The following NEB variants were observed in gnomAD, a reference collection of about 807,000 sequenced individuals.
NEB encodes nemaline myopathy type 2.
In NEB, 512 loss-of-function variants were observed where a neutral mutation model predicts 952.2. That is an observed-to-expected ratio of 0.54 (90% CI 0.50 to 0.58). The LOEUF is 0.58. NEB is among the 20% of genes least tolerant of loss of function. The pLI is 0.00. For missense variants in NEB, 8,428 were observed against 9,231.1 expected, an observed-to-expected ratio of 0.91 and a Z score of 3.56; for synonymous variants, 2,900 against 3,149.8, an observed-to-expected ratio of 0.92 and a Z score of 2.66.
chr2:151,519,871 G>C lies in NEB; in HGVS notation c.22480-103C>G, dbSNP rs1254601600. The C allele has an allele frequency of 4.1e-6, 3 of 724,340 alleles. No homozygotes were observed. In the East Asian group the frequency reaches 7.7e-5, roughly 18 times the overall value. 44.9% of individuals were successfully genotyped at this position (724,340 alleles called of 1,614,324 possible). A position where few individuals can be genotyped will look rare whatever the true frequency, so the allele number is the denominator to read the frequency against. On this transcript the variant is annotated intron_variant, in intron 153 of 181. Coordinates refer to ENST00000397345, the MANE Select transcript of NEB (RefSeq NM_001164508.2). ...TGCCAAAGAATATGCATTGTACATA[G>C]AGTGATCATATAATCTATTATCCAA... is the stretch of plus-strand genomic sequence containing the variant.
intron 131 of NEB, 43 bp from the exon 132 acceptor site, chr2:151,547,781 G>A (rs1458150544): frequency 2.2e-6 from 3 of 1,349,300 alleles, no homozygotes; most frequent in Non-Finnish European, 3.1e-6. Context: ...AGTAGGGGAC[G>A]ACGAGGGCAT....
intron 71 of NEB, among the ~76,000 whole-genome samples, chr2:151,623,320 C>A (rs181686899): frequency 1.1e-3 from 174 of 152,184 alleles, no homozygotes; most frequent in African/African-American, 4.0e-3. Flanking sequence ...GGAAAAACTA[C>A]AAAGATTTAC....
rs896036907 is a variant in NEB at position 151,628,978 on chromosome 2, G to T, written c.9831+561C>A. 8.5e-5 allele frequency among the ~76,000 whole-genome samples: 13 copies of T among 152,250 alleles called. No individual in the cohort carries two copies. The East Asian group carries it at 2.5e-3, about 29-fold the overall frequency. ...CCACCTCTTTCAGAGATGGCAGGAG[G>T]AGAAATTAGGTTCACCATTTTCTTG... On this transcript the variant is annotated intron_variant, in intron 68 of 181. Transcript: ENST00000397345.
intron 9 of NEB, among the ~76,000 whole-genome samples, chr2:151,722,414 A>G (rs968311021): frequency 3.3e-5 from 5 of 152,234 alleles, no homozygotes; most frequent in African/African-American, 9.7e-5. Context: ...AAGGTCTAGG[A>G]TACCAAAATT....
At chr2:151,725,166 C>A (rs1046386609) in intron 6 of NEB, among the ~76,000 whole-genome samples, 9 of 152,184 alleles carry the variant, frequency 5.9e-5, no homozygotes, top group Admixed American at 1.3e-4. Context: ...GGATCTCCAG[C>A]CTGCTGCTTC....
Position 151,643,846 on chromosome 2 carries a change from G to C in NEB, c.7928C>G (p.Ala2643Gly), listed in dbSNP as rs755621643. The C allele has an allele frequency of 2.2e-5, 36 of 1,613,794 alleles. No homozygotes were observed. The highest frequency in any genetic ancestry group is 3.3e-5 in the Admixed American group (2 of 60,006). Residue 2643 changes from alanine to glycine, a missense_variant, in exon 57 of 182, where the codon GCT (alanine) becomes GGT (glycine). Coordinates refer to ENST00000397345, the MANE Select transcript of NEB (RefSeq NM_001164508.2). Reference sequence around the variant, plus strand: ...GCTCTGGAGGTCATAGGCCTGCCGAGCATGGATGACATCGCTCTGGTCGGG... The same window carrying C: ...GCTCTGGAGGTCATAGGCCTGCCGACCATGGATGACATCGCTCTGGTCGGG... ...CLPDQSDVIHARQAYDLQSDN... is the reference protein window; with the variant it reads ...CLPDQSDVIHGRQAYDLQSDN...
In NEB at chr2:151,668,998, G is replaced by A. The variant is rs760385513; in HGVS notation, c.4611+29C>T. The A allele has an allele frequency of 4.1e-6, 6 of 1,468,602 alleles. No individual in the cohort carries two copies. In the East Asian group the frequency reaches 7.2e-5, roughly 18 times the overall value. 91.0% of individuals were successfully genotyped at this position (1,468,602 alleles called of 1,614,324 possible). ...AACCAGAAAGGAGAGGCCCGCATAC[G>A]CAATATTAGCACTGGGCCAAATACT... On this transcript the variant is annotated intron_variant, in intron 39 of 181. Coordinates refer to ENST00000397345, the MANE Select transcript of NEB (RefSeq NM_001164508.2).
chr2:151,495,217 A>G (rs931210347), intron 173 of NEB: 1 of 152,200 alleles, frequency 6.6e-6, no homozygotes, highest in Non-Finnish European at 1.5e-5. Context: ...CAACCTCGGT[A>G]TCTCCCCTCA....
intron 28 of NEB, among the ~76,000 whole-genome samples, chr2:151,684,043 T>A (rs2099460948): frequency 6.6e-6 from 1 of 152,080 alleles, no homozygotes; most frequent in Admixed American, 6.6e-5. Flanking sequence ...CGTAGATTGG[T>A]GGTTGCCACA....
intron 46 of NEB, among the ~76,000 whole-genome samples, chr2:151,661,569 T>C (rs1259278874): frequency 6.6e-6 from 1 of 152,246 alleles, no homozygotes; most frequent in Non-Finnish European, 1.5e-5. Context: ...TTGATTGTAC[T>C]TGTTGGTCTT....
At chr2:151,531,587 A>C (rs561932473) in intron 144 of NEB, among the ~76,000 whole-genome samples, 2 of 152,182 alleles carry the variant, frequency 1.3e-5, no homozygotes, top group South Asian at 4.1e-4. Context: ...AAAGTGCTGG[A>C]ATTACAGGCA....
In NEB at chr2:151,656,234, C is replaced by T; in HGVS notation, c.6414G>A (p.Lys2138=). ...GGAGGATGTACTTGTGAATCAGGTG[C>T]TTGTAGTTAGTGTTGGTGATGTTGG... The part of the protein sequence containing the change: ...AQANITNTNY[K]HLIHKYILLP... The change falls in exon 49 of 182, where the codon AAG becomes AAA. Residue 2138 remains lysine, a synonymous_variant. Transcript: ENST00000397345. The T allele has an allele frequency of 6.2e-7, 1 of 1,613,214 alleles. No individual in the cohort carries two copies. The highest frequency in any genetic ancestry group is 1.1e-5 in the South Asian group (1 of 90,964).
In NEB at chr2:151,615,982, T is replaced by C. The variant is rs748918372; in HGVS notation, c.11289+20A>G. The stretch of plus-strand genomic sequence containing the variant: ...CAACATCTTTGAATAAGAAATGGCT[T>C]TTCCAAAACATCCACTTACATCACT... On this transcript the variant is annotated intron_variant, in intron 76 of 181. Transcript: ENST00000397345. 1.9e-6 allele frequency: 3 copies of C among 1,569,110 alleles called. No individual in the cohort carries two copies. The South Asian group carries it at 3.5e-5, about 18-fold the overall frequency.
chr2:151,557,361 T>C (rs1037823982), intron 124 of NEB, among the ~76,000 whole-genome samples: 7 of 152,154 alleles, frequency 4.6e-5, no homozygotes, highest in Admixed American at 2.6e-4. Flanking sequence ...AGTTCTGAAA[T>C]TGAGGCAGTA....
chr2:151,640,759 T>A (rs973495162), intron 60 of NEB, 93 bp from the exon 61 acceptor site: 75 of 1,233,432 alleles, frequency 6.1e-5, no homozygotes, highest in East Asian at 3.3e-4. Flanking sequence ...AAAAAAAAAA[T>A]TTTCCCTGAA....
At position 151,618,374 on chromosome 2, in the gene NEB, A is replaced by G. The variant is rs767853017; in HGVS notation, c.10977T>C (p.Asp3659=). The G allele has an allele frequency of 1.3e-5, 21 of 1,613,872 alleles. No individual in the cohort carries two copies. The highest frequency in any genetic ancestry group is 1.7e-5 in the Admixed American group (1 of 59,994). The change falls in exon 74 of 182, where the codon GAT becomes GAC. Residue 3659 remains aspartate (D), a synonymous_variant. Transcript: ENST00000397345. ...TTTCTGGACGCTGACGGTAGATAGT[A>G]TCACTAAGTAATTCTCCAGCTCTCT... ...RAKRAGELLS[D]TIYRQRPETL...
chr2:151,664,910 G>T, intron 42 of NEB, 47 bp from the exon 43 acceptor site: 1 of 1,366,432 alleles, frequency 7.3e-7, no homozygotes, highest in South Asian at 1.3e-5. Context: ...GGACAAGTTT[G>T]ACCCAATGCT....
rs74622558 is a variant in NEB, at chr2:151,616,409, C to T, written c.11182-300G>A. 6.1e-3 allele frequency among the ~76,000 whole-genome samples: 930 copies of T among 152,250 alleles called. 6 individuals are homozygous for T. Among genetic ancestry groups the T allele is most frequent in the Non-Finnish European group, 8.3e-3 (566 of 68,016 alleles). ...TGTAAAAAAAAAAATTATTTACTGG[C>T]CGGGCGTGGTGGCTCACGCCTGTAA... On this transcript the variant is annotated intron_variant, in intron 75 of 181. Coordinates refer to ENST00000397345, the MANE Select transcript of NEB (RefSeq NM_001164508.2).
intron 130 of NEB, 24 bp downstream of exon 130, chr2:151,549,612 C>G: frequency 1.4e-6 from 2 of 1,480,896 alleles, no homozygotes; most frequent in Non-Finnish European, 1.9e-6. Context: ...TCAGACCCAT[C>G]TCAATGAGGA....
Sources: allele counts gnomAD v4.1 joint callset (sites outside exome capture counted in the v4.1 genomes callset), GRCh38; gene constraint gnomAD v4.1.1; transcripts MANE v1.5; gene names NCBI Gene and HGNC (gene_info 2026-07-23, HGNC 2026-07-21).